The following TIAM2 variants were observed in gnomAD, a reference collection of about 807,000 sequenced individuals.
TIAM2 encodes the protein rho guanine nucleotide exchange factor TIAM2.
TIAM2 carries 80 observed loss-of-function variants against 152.9 expected under a neutral mutation model. The observed-to-expected ratio is 0.52, with a 90% CI of 0.44 to 0.63. TIAM2 has a LOEUF of 0.63. Ranked by LOEUF, TIAM2 falls within the 30% of genes least tolerant of loss-of-function variation. The pLI, the probability that TIAM2 is intolerant of heterozygous loss-of-function variation, is 0.00. For synonymous variants in TIAM2, 804 were observed against 838.0 expected, an observed-to-expected ratio of 0.96 and a Z score of 0.70; for missense variants, 1,965 against 2,120.1, an observed-to-expected ratio of 0.93 and a Z score of 1.44.
chr6:155,215,726 AAT>A (rs1491480844), intron 15 of TIAM2, among the ~76,000 whole-genome samples: 2 of 123,320 alleles, frequency 1.6e-5, no homozygotes, highest in African/African-American at 3.0e-5. Flanking sequence ...AAAAATTTTA[AAT>A]TTTTTTTTTT....
At chr6:155,172,668 ATATATATATATATATATATTTTTTTT>A (rs1340571147) in intron 9 of TIAM2, among the ~76,000 whole-genome samples, 16 of 10,862 alleles carry the variant, frequency 1.5e-3, no homozygotes, top group Non-Finnish European at 4.4e-3. Context: ...ATATATATAT[ATATATATATATATATATATTTTTTTT>A]TTTTTTTTTT....
intron 1 of TIAM2, among the ~76,000 whole-genome samples, chr6:155,000,211 A>G (rs926261170): frequency 2.0e-5 from 3 of 152,112 alleles, no homozygotes; most frequent in Non-Finnish European, 4.4e-5. Context: ...TTAAACATGT[A>G]TCGAGTGAGC....
chr6:154,995,361 G>C lies in TIAM2; in HGVS notation c.-340G>C, dbSNP rs866091334. 104 of 151,216 alleles carry C rather than the reference G, an allele frequency of 6.9e-4. 1 individual carries two copies. Among genetic ancestry groups the C allele is most frequent in the African/African-American group, 2.3e-3 (97 of 41,434 alleles). 9.4% of individuals were successfully genotyped at this position (151,216 alleles called of 1,614,324 possible). ...CGCGGCCGCCGCAGGCGCACAGCGC[G>C]CGTCCAAGTGGAGAACAAAGTGACC... On this transcript the variant is annotated 5_prime_UTR_variant, in exon 1 of 27. Transcript: ENST00000682666. The surrounding 1 kb of genome is among the most constrained non-coding windows in gnomAD (Gnocchi z 5.2).
chr6:155,083,867 A>G (rs556113044), intron 1 of TIAM2, among the ~76,000 whole-genome samples: 39 of 152,370 alleles, frequency 2.6e-4, no homozygotes, highest in African/African-American at 8.9e-4. Flanking sequence ...ATACGAAACC[A>G]GATAAATGTA....
At chr6:155,017,968 T>C (rs1176981463) in intron 1 of TIAM2, among the ~76,000 whole-genome samples, 1 of 152,144 alleles carries the variant, frequency 6.6e-6, no homozygotes, top group African/African-American at 2.4e-5. Flanking sequence ...GAGTGTAACA[T>C]ACACAGGAGG....
chr6:155,076,001 G>T (rs62427467), intron 1 of TIAM2, among the ~76,000 whole-genome samples: 1,679 of 152,190 alleles, frequency 0.011, 20 homozygotes, highest in Middle Eastern at 0.058. Context: ...GTTAAACCAC[G>T]CCAACAACAG....
intron 13 of TIAM2, 50 bp from the exon 14 acceptor site, chr6:155,183,187 C>A (rs1583235250): frequency 6.3e-7 from 1 of 1,576,330 alleles, no homozygotes; most frequent in East Asian, 2.3e-5. Context: ...GAAAATATTT[C>A]TCACAGTAAT....
intron 2 of TIAM2, among the ~76,000 whole-genome samples, chr6:155,092,179 G>C (rs1451764868): frequency 1.8e-5 from 2 of 111,300 alleles, no homozygotes; most frequent in African/African-American, 7.1e-5. Context: ...GATTACAGGC[G>C]TAATCCCACC....
intron 14 of TIAM2, among the ~76,000 whole-genome samples, chr6:155,196,494 G>A (rs1359585419): frequency 6.6e-6 from 1 of 152,152 alleles, no homozygotes; most frequent in Admixed American, 6.5e-5. Flanking sequence ...GGATGGTGTT[G>A]GGAAGCGGGA....
chr6:155,068,122 G>A (rs1777745748), intron 1 of TIAM2, among the ~76,000 whole-genome samples: 2 of 152,128 alleles, frequency 1.3e-5, no homozygotes, highest in Non-Finnish European at 2.9e-5. Flanking sequence ...TGTGGCTGTT[G>A]CAGTGCTGGG....
rs543264226 is a variant in TIAM2, at chr6:155,211,746, A to G, written c.3168+439A>G. Among the ~76,000 whole-genome samples, 4 of 151,470 alleles carry G rather than the reference A, an allele frequency of 2.6e-5. No homozygotes were observed. In the Middle Eastern group the frequency reaches 0.014, roughly 519 times the overall value. ...ATATAACATAAAATATGCCTTTTTT[A>G]CTATTTTCAAGTGTATGCCTCTCTG... On this transcript the variant is annotated intron_variant, in intron 15 of 26. Coordinates refer to ENST00000682666, the MANE Select transcript of TIAM2 (RefSeq NM_012454.4).
chr6:155,198,782 CT>C (rs1480984212), intron 14 of TIAM2, among the ~76,000 whole-genome samples: 1 of 149,768 alleles, frequency 6.7e-6, no homozygotes, highest in Non-Finnish European at 1.5e-5. Context: ...TCCATGATTT[CT>C]TCTTTATAAA....
intron 1 of TIAM2, among the ~76,000 whole-genome samples, chr6:155,073,497 T>C (rs191311083): frequency 9.4e-4 from 143 of 152,270 alleles, no homozygotes; most frequent in African/African-American, 3.3e-3. Flanking sequence ...AGGGCCTGCG[T>C]CCATAGCCAA....
intron 7 of TIAM2, among the ~76,000 whole-genome samples, chr6:155,157,981 GGTT>G (rs1780167843): frequency 6.6e-6 from 1 of 152,124 alleles, no homozygotes; most frequent in African/African-American, 2.4e-5. Context: ...TACTTTAGCT[GGTT>G]GTTCTAAATA....
intron 2 of TIAM2, among the ~76,000 whole-genome samples, chr6:155,112,715 C>T (rs989590011): frequency 2.6e-5 from 4 of 152,278 alleles, no homozygotes; most frequent in Admixed American, 1.3e-4. Context: ...ATCTTGCCCG[C>T]GGAAGCCTGC....
intron 1 of TIAM2, among the ~76,000 whole-genome samples, chr6:155,029,742 C>CTA (rs60980296): frequency 0.048 from 6,008 of 126,202 alleles, 282 homozygotes; most frequent in African/African-American, 0.12. Flanking sequence ...TAGTATATAA[C>CTA]TATATATATA....
intron 1 of TIAM2, among the ~76,000 whole-genome samples, chr6:155,084,847 G>A (rs1025247627): frequency 2.9e-4 from 44 of 152,116 alleles, no homozygotes; most frequent in African/African-American, 1.1e-3. Flanking sequence ...AGTTCTTTGT[G>A]CAGGAACAGT....
rs187203403 is a variant in TIAM2 at position 155,104,557 on chromosome 6, A to G, written c.-118+14178A>G. 3.4e-3 allele frequency among the ~76,000 whole-genome samples: 516 copies of G among 152,226 alleles called. 3 individuals are homozygous for G. The highest frequency in any genetic ancestry group is 3.9e-3 in the Non-Finnish European group (264 of 68,006). On this transcript the variant is annotated intron_variant, in intron 2 of 26. Coordinates refer to ENST00000682666, the MANE Select transcript of TIAM2 (RefSeq NM_012454.4). ...CAGATCATGAGGTCAGGAGATCGAG[A>G]CCATCCTGGCTAACACAGTGAAACC...
chr6:155,155,135 A>AT (rs991133199), intron 7 of TIAM2, among the ~76,000 whole-genome samples: 6 of 152,054 alleles, frequency 3.9e-5, no homozygotes, highest in Non-Finnish European at 8.8e-5. Flanking sequence ...GTTATTTTTT[A>AT]TTTTTTATTT....
Sources: allele counts gnomAD v4.1 joint callset (sites outside exome capture counted in the v4.1 genomes callset), GRCh38; gene constraint gnomAD v4.1.1; non-coding constraint Gnocchi (gnomAD v3.1); transcripts MANE v1.5; gene names NCBI Gene and HGNC (gene_info 2026-07-23, HGNC 2026-07-21).